Variants in SORCS3 observed in about 807,000 individuals in gnomAD.
SORCS3 encodes VPS10 domain-containing receptor SorCS3.
A neutral mutation model predicts 146.3 loss-of-function variants in SORCS3; 57 were observed. The ratio of observed to expected loss-of-function variants is 0.39; its 90% confidence interval spans 0.31 to 0.49. The LOEUF is 0.49. Ranked by LOEUF, SORCS3 falls within the 20% of genes least tolerant of loss-of-function variation. The probability of loss-of-function intolerance (pLI) is 0.92; values close to 1 mark genes in which losing one functional copy is unlikely to be tolerated. For synonymous variants in SORCS3, 653 were observed against 618.5 expected (o/e 1.06, Z -0.83); for missense variants, 1,341 against 1,575.5 (o/e 0.85, Z 2.52).
At chr10:105,093,175 G>A (rs894088775) in intron 6 of SORCS3, among the ~76,000 whole-genome samples, 2 of 152,086 alleles carry the variant, frequency 1.3e-5, no homozygotes, top group Non-Finnish European at 2.9e-5. Context: ...TCAATCAATG[G>A]TATTGGATCA....
intron 5 of SORCS3, among the ~76,000 whole-genome samples, chr10:105,073,656 G>A (rs982254324): frequency 3.9e-5 from 6 of 152,144 alleles, no homozygotes; most frequent in East Asian, 1.9e-4. Context: ...GTGGAGGCAT[G>A]AGCGTGGGAG....
At chr10:105,058,125 G>C (rs575329553) in intron 5 of SORCS3, among the ~76,000 whole-genome samples, 5 of 152,328 alleles carry the variant, frequency 3.3e-5, no homozygotes, top group Middle Eastern at 6.8e-3. Context: ...TGGAGGCAGA[G>C]AGAGATGGAA....
chr10:105,252,845 T>C lies in SORCS3; in HGVS notation c.3176T>C (p.Phe1059Ser). The C allele has an allele frequency of 6.2e-7, 1 of 1,614,088 alleles. No homozygotes were observed. The highest frequency in any genetic ancestry group is 8.5e-7 in the Non-Finnish European group (1 of 1,179,984). ...FPGLPTSAELFILPPKNLTER... is the reference protein window; with the variant it reads ...FPGLPTSAELSILPPKNLTER... ...GGTCTCCCCACTTCAGCAGAGCTTTTCATTCTTCCACCCAAGAACCTGACA... is the reference window on the plus strand; with the variant it reads ...GGTCTCCCCACTTCAGCAGAGCTTTCCATTCTTCCACCCAAGAACCTGACA... The change falls in exon 23 of 27, where the codon TTC (phenylalanine) becomes TCC (serine). Residue 1059 changes from phenylalanine to serine, a missense_variant. Transcript: ENST00000369701.
chr10:105,057,085 A>G (rs1207559423), intron 5 of SORCS3, among the ~76,000 whole-genome samples: 2 of 152,190 alleles, frequency 1.3e-5, no homozygotes, highest in East Asian at 1.9e-4. Flanking sequence ...GGGAAGAACC[A>G]TGAGAGATTA....
At chr10:104,890,504 A>G (rs1037988945) in intron 2 of SORCS3, among the ~76,000 whole-genome samples, 1 of 151,844 alleles carries the variant, frequency 6.6e-6, no homozygotes, top group African/African-American at 2.4e-5. Flanking sequence ...TTTTCATCTC[A>G]TTCATTATAA....
chr10:105,044,020 A>T (rs1038572706), intron 5 of SORCS3, among the ~76,000 whole-genome samples: 3 of 152,184 alleles, frequency 2.0e-5, no homozygotes, highest in Non-Finnish European at 2.9e-5. Context: ...AAAGGAAGGG[A>T]GATTAAGAGG....
chr10:104,647,280 T>C (rs2015506661), intron 1 of SORCS3, among the ~76,000 whole-genome samples: 1 of 152,172 alleles, frequency 6.6e-6, no homozygotes, highest in Non-Finnish European at 1.5e-5. Flanking sequence ...GCGTCTTCAT[T>C]GTCCCAAGCA....
Position 104,842,836 on chromosome 10 carries a change from C to G in SORCS3, c.672C>G (p.Ser224Arg), listed in dbSNP as rs763474737. 1.2e-6 allele frequency: 2 copies of G among 1,613,880 alleles called. No homozygotes were observed. The highest frequency in any genetic ancestry group is 1.7e-6 in the Non-Finnish European group (2 of 1,179,830). The change falls in exon 2 of 27, where the codon AGC (serine) becomes AGG (arginine). Residue 224 changes from serine (S) to arginine (R), a missense_variant. Physicochemically the swap from Ser to Arg is moderately radical, Grantham distance 110. Transcript: ENST00000369701. ...LTKLYDFNLGSVTESSLWRST... is the reference protein window; with the variant it reads ...LTKLYDFNLGRVTESSLWRST... ...AGCTGTATGACTTCAACCTGGGCAG[C>G]GTGACTGAGAGTTCACTATGGAGGT...
intron 3 of SORCS3, among the ~76,000 whole-genome samples, chr10:104,948,701 A>G (rs978645215): frequency 1.3e-5 from 2 of 152,194 alleles, no homozygotes; most frequent in African/African-American, 4.8e-5. Flanking sequence ...CAAGAGGAAG[A>G]TTACTGCGGA....
intron 2 of SORCS3, among the ~76,000 whole-genome samples, chr10:104,897,350 C>G (rs531252694): frequency 3.3e-5 from 5 of 152,086 alleles, no homozygotes; most frequent in Non-Finnish European, 5.9e-5. Context: ...GATCTCAAAC[C>G]CAAAGGAACG....
At chr10:104,937,858 C>T (rs1340679301) in intron 3 of SORCS3, among the ~76,000 whole-genome samples, 1 of 152,200 alleles carries the variant, frequency 6.6e-6, no homozygotes, top group Non-Finnish European at 1.5e-5. Flanking sequence ...CATGTTTGGC[C>T]TCTCTCCTCT....
intron 3 of SORCS3, among the ~76,000 whole-genome samples, chr10:104,921,165 G>A (rs991419858): frequency 6.6e-6 from 1 of 152,194 alleles, no homozygotes; most frequent in Non-Finnish European, 1.5e-5. Context: ...TGGGTTCCCA[G>A]AACTCATTAC....
chr10:105,046,890 A>G (rs904698452), intron 5 of SORCS3, among the ~76,000 whole-genome samples: 4 of 151,916 alleles, frequency 2.6e-5, no homozygotes, highest in African/African-American at 9.7e-5. Context: ...TGCTTCCCCC[A>G]CTTTTTTAAC....
intron 9 of SORCS3, among the ~76,000 whole-genome samples, chr10:105,151,028 A>T (rs967461428): frequency 3.9e-5 from 6 of 152,200 alleles, no homozygotes; most frequent in Non-Finnish European, 8.8e-5. Context: ...TTGTTTGATG[A>T]TGTTAGGACT....
chr10:104,817,289 A>AT (rs2017808278), intron 1 of SORCS3, among the ~76,000 whole-genome samples: 1 of 151,830 alleles, frequency 6.6e-6, no homozygotes, highest in South Asian at 2.1e-4. Context: ...TCAATTTTCA[A>AT]TTGGCAATCA....
intron 1 of SORCS3, among the ~76,000 whole-genome samples, chr10:104,683,905 C>T (rs1471426947): frequency 1.3e-5 from 2 of 152,180 alleles, no homozygotes; most frequent in South Asian, 2.1e-4. Flanking sequence ...GACCAAGGCC[C>T]TCTCATTGAG....
intron 16 of SORCS3, among the ~76,000 whole-genome samples, chr10:105,204,215 G>A (rs535674160): frequency 6.6e-6 from 1 of 152,200 alleles, no homozygotes; most frequent in Non-Finnish European, 1.5e-5. Context: ...TTGGATATAG[G>A]TTACTTGATC....
chr10:105,027,004 C>T (rs868546185), intron 4 of SORCS3, among the ~76,000 whole-genome samples: 9 of 152,256 alleles, frequency 5.9e-5, no homozygotes, highest in South Asian at 2.1e-4. Flanking sequence ...CAAACAGAAA[C>T]GCCAAGACCC....
At chr10:104,873,975 A>G (rs2018544924) in intron 2 of SORCS3, among the ~76,000 whole-genome samples, 1 of 152,228 alleles carries the variant, frequency 6.6e-6, no homozygotes, top group African/African-American at 2.4e-5. Context: ...GTCTTCTGAT[A>G]TTAAACAAGT....
Sources: allele counts gnomAD v4.1 joint callset (sites outside exome capture counted in the v4.1 genomes callset), GRCh38; gene constraint gnomAD v4.1.1; transcripts MANE v1.5; gene names NCBI Gene and HGNC (gene_info 2026-07-23, HGNC 2026-07-21).